Variants in TNS1 observed in about 807,000 individuals in gnomAD.
The protein encoded by TNS1 is tensin 1, also known as tensin-1.
Under a neutral mutation model 168.6 loss-of-function variants are expected in TNS1, and 62 were observed. That is an observed-to-expected ratio of 0.37 (90% CI 0.30 to 0.45). The LOEUF (loss-of-function observed/expected upper bound fraction) is 0.45. TNS1 is among the 20% of genes least tolerant of loss of function. The pLI is 1.00. For missense variants in TNS1, 2,240 were observed against 2,339.4 expected, an observed-to-expected ratio of 0.96 and a Z score of 0.88; for synonymous variants, 934 against 933.2, an observed-to-expected ratio of 1.00 and a Z score of -0.02.
chr2:218,014,937 C>A (rs549806121), upstream of TNS1, among the ~76,000 whole-genome samples: 1 of 151,548 alleles, frequency 6.6e-6, no homozygotes, highest in African/African-American at 2.4e-5. Context: ...GGCAGGCAGG[C>A]AGGCAGGCAG....
intron 3 of TNS1, among the ~76,000 whole-genome samples, chr2:217,939,974 C>T (rs1001256229): frequency 7.9e-5 from 12 of 152,234 alleles, no homozygotes; most frequent in Non-Finnish European, 1.6e-4. Context: ...GCGCTCCAGA[C>T]CATTGGAGGG....
chr2:217,988,038 C>A (rs1958246077), intron 2 of TNS1, among the ~76,000 whole-genome samples: 1 of 152,232 alleles, frequency 6.6e-6, no homozygotes, highest in South Asian at 2.1e-4. Context: ...TGAGGCTGCA[C>A]ACATGACCTA....
At chr2:217,815,095 T>C in intron 24 of TNS1, 97 bp from the exon 25 acceptor site, 2 of 977,338 alleles carry the variant, frequency 2.0e-6, no homozygotes, top group Non-Finnish European at 3.2e-6. Context: ...GAATTTGACC[T>C]TATTTGGAAA....
chr2:217,884,732 A>C (rs970821852), intron 16 of TNS1, among the ~76,000 whole-genome samples: 1 of 152,218 alleles, frequency 6.6e-6, no homozygotes, highest in African/African-American at 2.4e-5. Context: ...AGTAGGACAC[A>C]TGTGACAAAC....
intron 3 of TNS1, among the ~76,000 whole-genome samples, chr2:217,960,843 A>G (rs1272401812): frequency 6.6e-6 from 1 of 152,074 alleles, no homozygotes; most frequent in Non-Finnish European, 1.5e-5. Flanking sequence ...CTCCAGGAAG[A>G]CCAAGAAAAG....
intron 18 of TNS1, chr2:217,849,752 C>T (rs1260933817): frequency 1.0e-6 from 1 of 985,410 alleles, no homozygotes; most frequent in Non-Finnish European, 1.2e-6. Context: ...CCTTGAATGC[C>T]CATAGAGGTA....
At chr2:217,893,692 T>G in intron 9 of TNS1, 131 bp from the exon 10 acceptor site, 1 of 1,327,722 alleles carries the variant, frequency 7.5e-7, no homozygotes, top group Non-Finnish European at 1.0e-6. Flanking sequence ...CAGGACTTGG[T>G]TCCTCCCTGC....
chr2:217,937,828 G>A (rs567876138), intron 3 of TNS1, among the ~76,000 whole-genome samples: 4 of 152,192 alleles, frequency 2.6e-5, no homozygotes, highest in South Asian at 4.2e-4. Flanking sequence ...CTCACTTGAG[G>A]AGCACTGCTC....
chr2:217,887,318 T>C (rs927324252), intron 12 of TNS1, among the ~76,000 whole-genome samples: 1 of 152,230 alleles, frequency 6.6e-6, no homozygotes, highest in Non-Finnish European at 1.5e-5. Context: ...TGTTTTGTTT[T>C]TGTTTTTGAG....
intron 1 of TNS1, among the ~76,000 whole-genome samples, chr2:218,002,534 G>A (rs1247905885): frequency 1.6e-5 from 2 of 128,132 alleles, no homozygotes; most frequent in Non-Finnish European, 3.1e-5. Flanking sequence ...GCTCTAAAGA[G>A]AAGCAAACTT....
intron 4 of TNS1, among the ~76,000 whole-genome samples, chr2:217,915,553 T>C (rs1416488592): frequency 6.6e-6 from 1 of 152,138 alleles, no homozygotes; most frequent in Non-Finnish European, 1.5e-5. Flanking sequence ...AGATATGTAT[T>C]GGTAAGATGG....
At chr2:217,964,475 C>T (rs2126011184) in intron 3 of TNS1, among the ~76,000 whole-genome samples, 1 of 152,350 alleles carries the variant, frequency 6.6e-6, no homozygotes, top group African/African-American at 2.4e-5. Context: ...ACCTTACCGG[C>T]TGTGTGAGCG....
At chr2:217,822,716 C>T (rs1336788179) in intron 22 of TNS1, among the ~76,000 whole-genome samples, 1 of 152,168 alleles carries the variant, frequency 6.6e-6, no homozygotes, top group Non-Finnish European at 1.5e-5. Flanking sequence ...CTAGAAAAGG[C>T]CATTTTACAG....
chr2:217,825,012 A>G (rs1237133897), intron 22 of TNS1, among the ~76,000 whole-genome samples: 1 of 151,986 alleles, frequency 6.6e-6, no homozygotes, highest in Non-Finnish European at 1.5e-5. Context: ...AGCCCCATCC[A>G]GAGACACATA....
intron 32 of TNS1, among the ~76,000 whole-genome samples, chr2:217,806,546 C>A (rs1254465471): frequency 6.6e-6 from 1 of 152,180 alleles, no homozygotes; most frequent in Non-Finnish European, 1.5e-5. Flanking sequence ...TCTTCCCTCG[C>A]AGGGCCCTGT....
chr2:217,910,713 TACACACACAC>T lies in TNS1; in HGVS notation c.229-3472_229-3463del, dbSNP rs10554233. 6.2e-3 allele frequency among the ~76,000 whole-genome samples: 660 copies of T among 106,832 alleles called. 9 individuals carry two copies. The highest frequency in any genetic ancestry group is 0.019 in the African/African-American group (586 of 31,036). 70.1% of individuals were successfully genotyped at this position (106,832 alleles called of 152,430 possible). A position where few individuals can be genotyped will look rare whatever the true frequency, so the allele number is the denominator to read the frequency against. The stretch of plus-strand genomic sequence containing the variant: ...TGTTTCTACAGCTACCACATACACA[TACACACACAC>T]ACACACACACACACACACACACACA... On this transcript the variant is annotated intron_variant, in intron 4 of 32. Coordinates refer to ENST00000682258, the MANE Select transcript of TNS1 (RefSeq NM_001387777.1).
rs1285864351 is a variant in TNS1 at position 217,801,562 on chromosome 2, A to T, written c.*2897T>A. On this transcript the variant is annotated 3_prime_UTR_variant, in exon 33 of 33. Coordinates refer to ENST00000682258, the MANE Select transcript of TNS1 (RefSeq NM_001387777.1). ...CTCTCCTGGCTGACACACAGATTCAACAATAAACAACAGTAAAATAGATTC... is the reference window on the plus strand; with the variant it reads ...CTCTCCTGGCTGACACACAGATTCATCAATAAACAACAGTAAAATAGATTC... The T allele has an allele frequency of 6.6e-6, 1 of 152,292 alleles. No individual in the cohort carries two copies. Among genetic ancestry groups the T allele is most frequent in the Admixed American group, 6.5e-5 (1 of 15,292 alleles). The allele number at this position is 152,292 out of a possible 1,614,324, so 9.4% of individuals were successfully genotyped here.
chr2:218,031,203 T>G (rs550346867), intron 1 of TNS1, among the ~76,000 whole-genome samples: 8 of 146,496 alleles, frequency 5.5e-5, no homozygotes, highest in African/African-American at 1.6e-4. Flanking sequence ...TGTATGTGTG[T>G]GAGTGTGTCT....
At chr2:217,919,510 C>T (rs1229472802) in intron 4 of TNS1, among the ~76,000 whole-genome samples, 2 of 152,224 alleles carry the variant, frequency 1.3e-5, no homozygotes, top group African/African-American at 2.4e-5. Context: ...GCTTCTAGGG[C>T]CATGGTGGGG....
Sources: gnomAD v4.1 joint callset for allele counts (sites outside exome capture counted in the v4.1 genomes callset) on GRCh38, gnomAD v4.1.1 for gene constraint, MANE v1.5 for transcripts, NCBI Gene and HGNC (gene_info 2026-07-23, HGNC 2026-07-21) for gene names.